The following CDH4 variants were observed in gnomAD, a reference collection of about 807,000 sequenced individuals.
CDH4 encodes cadherin-4.
Under a neutral mutation model 86.0 loss-of-function variants are expected in CDH4, and 33 were observed. The observed-to-expected ratio is 0.38, with a 90% CI of 0.29 to 0.51. The LOEUF (loss-of-function observed/expected upper bound fraction) is 0.51. Among genes scored for constraint, CDH4 ranks in the 20% least tolerant of loss-of-function variants. CDH4 has a pLI of 0.86. For missense variants in CDH4, 1,114 were observed against 1,307.4 expected (o/e 0.85, Z 2.28); for synonymous variants, 555 against 549.4 (o/e 1.01, Z -0.14).
chr20:61,921,186 G>T (rs2054978718), intron 9 of CDH4, among the ~76,000 whole-genome samples: 1 of 141,892 alleles, frequency 7.0e-6, no homozygotes, highest in South Asian at 2.2e-4. Flanking sequence ...TGATTGCATG[G>T]AAGCGTGGTG....
At chr20:61,872,405 G>A (rs552859025) in intron 6 of CDH4, among the ~76,000 whole-genome samples, 18 of 152,326 alleles carry the variant, frequency 1.2e-4, no homozygotes, top group African/African-American at 4.3e-4. Context: ...TCCAGATGCA[G>A]AACAGATTGT....
intron 2 of CDH4, among the ~76,000 whole-genome samples, chr20:61,539,274 T>A (rs6061276): frequency 6.6e-6 from 1 of 152,056 alleles, no homozygotes; most frequent in African/African-American, 2.4e-5. Context: ...GCATGGGCCG[T>A]GTCCACAGTG....
At chr20:61,296,746 A>G (rs1294258818) in intron 2 of CDH4, among the ~76,000 whole-genome samples, 1 of 152,156 alleles carries the variant, frequency 6.6e-6, no homozygotes, top group African/African-American at 2.4e-5. Flanking sequence ...CTGGGGTGAT[A>G]TTCTGGAAAG....
chr20:61,841,351 C>T (rs1982161777), intron 4 of CDH4, among the ~76,000 whole-genome samples: 1 of 152,246 alleles, frequency 6.6e-6, no homozygotes, highest in African/African-American at 2.4e-5. Flanking sequence ...TTTTCTCCCA[C>T]CCCCGAGGAA....
At chr20:61,593,650 G>A (rs1250265129) in intron 2 of CDH4, among the ~76,000 whole-genome samples, 3 of 152,108 alleles carry the variant, frequency 2.0e-5, no homozygotes, top group African/African-American at 4.8e-5. Flanking sequence ...GTTGAATGGT[G>A]GATTTTTTTA....
chr20:61,685,409 G>C (rs144740302), intron 2 of CDH4, among the ~76,000 whole-genome samples: 3 of 152,200 alleles, frequency 2.0e-5, no homozygotes, highest in Non-Finnish European at 1.5e-5. Flanking sequence ...TTGAGCAAGT[G>C]CTCTGTGTAC....
intron 2 of CDH4, among the ~76,000 whole-genome samples, chr20:61,293,960 G>T (rs1354888717): frequency 3.9e-5 from 6 of 152,150 alleles, no homozygotes; most frequent in Admixed American, 1.3e-4. Context: ...TGAGGTGCTG[G>T]GGGGTCAGCA....
chr20:61,868,946 C>G (rs1357296292), intron 6 of CDH4, among the ~76,000 whole-genome samples: 2 of 152,268 alleles, frequency 1.3e-5, no homozygotes, highest in Non-Finnish European at 2.9e-5. Context: ...GTGGTGGACA[C>G]ACACAAAGCC....
intron 2 of CDH4, among the ~76,000 whole-genome samples, chr20:61,398,273 C>T (rs766421342): frequency 6.6e-6 from 1 of 152,136 alleles, no homozygotes; most frequent in Admixed American, 6.5e-5. Context: ...AGCTTATGCA[C>T]GGAAGGGACA....
At chr20:61,343,803 G>A (rs565495180) in intron 2 of CDH4, among the ~76,000 whole-genome samples, 4 of 152,220 alleles carry the variant, frequency 2.6e-5, no homozygotes, top group African/African-American at 9.6e-5. Flanking sequence ...TTTTAGGCTC[G>A]AAGCCCCAAG....
At chr20:61,276,240 T>A (rs1175090670) in intron 2 of CDH4, among the ~76,000 whole-genome samples, 1 of 152,236 alleles carries the variant, frequency 6.6e-6, no homozygotes, top group Non-Finnish European at 1.5e-5. Context: ...GAGTATAAAT[T>A]GAAGTCTCAT....
chr20:61,750,566 A>C (rs1568794747), intron 3 of CDH4, among the ~76,000 whole-genome samples: 1 of 152,244 alleles, frequency 6.6e-6, no homozygotes, highest in African/African-American at 2.4e-5. Flanking sequence ...AAACCTATCC[A>C]AAGATTACAA....
At chr20:61,633,249 C>CT (rs2086913040) in intron 2 of CDH4, among the ~76,000 whole-genome samples, 1 of 151,456 alleles carries the variant, frequency 6.6e-6, no homozygotes, top group South Asian at 2.1e-4. Flanking sequence ...ATCTATCCAT[C>CT]TATTTATTCA....
Position 61,269,522 on chromosome 20 carries a change from T to G in CDH4, c.169+14585T>G, listed in dbSNP as rs2084173110. 6.6e-6 allele frequency among the ~76,000 whole-genome samples: 1 copy of G among 152,180 alleles called. No individual in the cohort carries two copies. Among genetic ancestry groups the G allele is most frequent in the Non-Finnish European group, 1.5e-5 (1 of 68,042 alleles). ...CTGGAAGACCCAGCAGGGTGATCCG[T>G]GTCCCTGTGTATGGAGGCACCAGGC... On this transcript the variant is annotated intron_variant, in intron 2 of 15. Transcript: ENST00000614565. The surrounding 1 kb of genome is among the most constrained non-coding windows in gnomAD (Gnocchi z 5.3).
At chr20:61,808,428 A>T (rs986647321) in intron 4 of CDH4, among the ~76,000 whole-genome samples, 1 of 152,238 alleles carries the variant, frequency 6.6e-6, no homozygotes, top group Non-Finnish European at 1.5e-5. Context: ...TCCGCCCTGC[A>T]GTCGGTGGGG....
intron 2 of CDH4, among the ~76,000 whole-genome samples, chr20:61,713,914 C>A (rs943561898): frequency 1.1e-4 from 16 of 152,202 alleles, no homozygotes; most frequent in Non-Finnish European, 2.1e-4. Context: ...TTTCCCCGTG[C>A]AGTGGGCTGA....
intron 7 of CDH4, among the ~76,000 whole-genome samples, chr20:61,874,619 G>T (rs1216069567): frequency 6.6e-6 from 1 of 152,174 alleles, no homozygotes; most frequent in African/African-American, 2.4e-5. Context: ...GCACTGGGCT[G>T]TGCGTTCCCA....
chr20:61,320,689 C>G (rs989793767), intron 2 of CDH4, among the ~76,000 whole-genome samples: 3 of 151,860 alleles, frequency 2.0e-5, no homozygotes, highest in African/African-American at 7.3e-5. Context: ...CCCTTCAGCC[C>G]CAGGTGTCAG....
In CDH4 at chr20:61,252,439, G is replaced by C; in HGVS notation, c.-75G>C. The C allele has an allele frequency of 3.0e-6, 2 of 676,482 alleles. No individual in the cohort carries two copies. The highest frequency in any genetic ancestry group is 3.6e-6 in the Non-Finnish European group (2 of 556,502). 41.9% of individuals were successfully genotyped at this position (676,482 alleles called of 1,614,324 possible). ...GGCGGCGATCGGAGCGGCGGCGGTG[G>C]TCTCGGCGGCGGCGGCGGCGGCGGC... On this transcript the variant is annotated 5_prime_UTR_variant, in exon 1 of 16. Transcript: ENST00000614565. The surrounding 1 kb of genome is among the most constrained non-coding windows in gnomAD (Gnocchi z 4.4).
Sources: gnomAD v4.1 joint callset for allele counts (sites outside exome capture counted in the v4.1 genomes callset) on GRCh38, gnomAD v4.1.1 for gene constraint, Gnocchi (gnomAD v3.1) non-coding constraint, MANE v1.5 for transcripts, NCBI Gene and HGNC (gene_info 2026-07-23, HGNC 2026-07-21) for gene names.